Variants in IQGAP1 observed in about 807,000 individuals in gnomAD.
IQGAP1 encodes the protein ras GTPase-activating-like protein IQGAP1.
IQGAP1 carries 66 observed loss-of-function variants against 215.6 expected under a neutral mutation model. The ratio of observed to expected loss-of-function variants is 0.31; its 90% CI spans 0.25 to 0.38. IQGAP1 has a LOEUF of 0.38. IQGAP1 is among the 10% of genes least tolerant of loss of function. The pLI, the probability that IQGAP1 is intolerant of heterozygous loss-of-function variation, is 1.00. For synonymous variants in IQGAP1, 772 were observed against 728.7 expected (o/e 1.06, Z -0.96); for missense variants, 1,712 against 1,997.1 (o/e 0.86, Z 2.72).
chr15:90,438,328 G>A (rs1205890414), intron 5 of IQGAP1, among the ~76,000 whole-genome samples: 1 of 152,086 alleles, frequency 6.6e-6, no homozygotes, highest in Non-Finnish European at 1.5e-5. Flanking sequence ...ACAGGCTTAT[G>A]GACATTAATT....
chr15:90,415,559 G>A (rs1378669199), intron 2 of IQGAP1, among the ~76,000 whole-genome samples: 1 of 151,950 alleles, frequency 6.6e-6, no homozygotes, highest in Non-Finnish European at 1.5e-5. Flanking sequence ...GGTGTTTAAT[G>A]TTAGTTGTGA....
At chr15:90,475,344 G>A (rs973705905) in intron 23 of IQGAP1, among the ~76,000 whole-genome samples, 1 of 151,960 alleles carries the variant, frequency 6.6e-6, no homozygotes, top group Non-Finnish European at 1.5e-5. Context: ...TGTTGGCCAG[G>A]CTGGTCTGGA....
At chr15:90,487,671 A>C in intron 33 of IQGAP1, 89 bp downstream of exon 33, 1 of 853,596 alleles carries the variant, frequency 1.2e-6, no homozygotes, top group African/African-American at 1.7e-5. Context: ...AGACACAAAT[A>C]ACAGTTGGTA....
intron 8 of IQGAP1, among the ~76,000 whole-genome samples, chr15:90,443,046 A>T (rs1356596394): frequency 1.3e-5 from 2 of 152,074 alleles, no homozygotes; most frequent in Non-Finnish European, 2.9e-5. Flanking sequence ...TGCAGCCTTG[A>T]ACTTCTGGGG....
chr15:90,471,064 C>T (rs1233934124), intron 18 of IQGAP1, among the ~76,000 whole-genome samples: 6 of 152,122 alleles, frequency 3.9e-5, no homozygotes, highest in Admixed American at 6.6e-5. Context: ...GACGTTAGCC[C>T]TTTTCCCCAC....
At chr15:90,432,977 T>A (rs1328196726) in intron 4 of IQGAP1, among the ~76,000 whole-genome samples, 1 of 152,196 alleles carries the variant, frequency 6.6e-6, no homozygotes, top group Non-Finnish European at 1.5e-5. Flanking sequence ...ATGTAGAGCT[T>A]CCATGACCCT....
chr15:90,454,548 T>C lies in IQGAP1; in HGVS notation c.1608T>C (p.His536=). ...TGAACCTGGTGGTGCAAGAGGAACA[T>C]GAGAGTGAGTTATCTTCCTGTCCTC... ...DHVNLVVQEE[H]ERILAIGLIN... is the part of the protein sequence containing the mutation. Residue 536 remains histidine, a synonymous_variant, in exon 14 of 38, where the codon CAT becomes CAC. Coordinates refer to ENST00000268182, the MANE Select transcript of IQGAP1 (RefSeq NM_003870.4). The C allele has an allele frequency of 3.2e-6, 5 of 1,565,636 alleles. No individual in the cohort carries two copies. The highest frequency in any genetic ancestry group is 3.5e-6 in the Non-Finnish European group (4 of 1,158,070).
At chr15:90,487,134 G>C (rs944141612) in intron 32 of IQGAP1, 45 bp downstream of exon 32, 1 of 1,607,734 alleles carries the variant, frequency 6.2e-7, no homozygotes, top group Admixed American at 1.7e-5. Context: ...TAATCTGAAG[G>C]TTTCTTGGCC....
rs764481935 is a variant in IQGAP1 at position 90,472,991 on chromosome 15, C to T, written c.2330C>T (p.Pro777Leu). ...SRMNFLKKQI[P>L]AITCIQSQWR... ...ATGAATTTCCTGAAGAAACAAATCC[C>T]TGCCATCACCTGCATTCAGGTATTT... The change falls in exon 19 of 38, where the codon CCT (proline) becomes CTT (leucine). Residue 777 changes from proline to leucine, a missense_variant. This residue lies in a region of IQGAP1 where 1,021 missense variants were observed against 1,074.2 expected (regional missense o/e 0.95). Transcript: ENST00000268182. 8.1e-6 allele frequency: 13 copies of T among 1,613,906 alleles called. No homozygotes were observed. The highest frequency in any genetic ancestry group is 2.2e-5 in the South Asian group (2 of 91,050).
At chr15:90,492,272 GT>G (rs1428129221) in intron 34 of IQGAP1, among the ~76,000 whole-genome samples, 1 of 151,884 alleles carries the variant, frequency 6.6e-6, no homozygotes, top group South Asian at 2.1e-4. Flanking sequence ...ACAAAAAAAA[GT>G]TTTTTAATTA....
chr15:90,460,940 G>A (rs919168640), intron 15 of IQGAP1, among the ~76,000 whole-genome samples: 9 of 150,080 alleles, frequency 6.0e-5, no homozygotes, highest in Admixed American at 1.3e-4. Context: ...CTGAGGTTGC[G>A]GTGAGCCAAG....
At chr15:90,431,249 A>G (rs952382486) in intron 4 of IQGAP1, 2 of 151,768 alleles carry the variant, frequency 1.3e-5, no homozygotes, top group Non-Finnish European at 2.9e-5. Flanking sequence ...CTTCCTTGCC[A>G]CTGGTATGTT....
Position 90,476,779 on chromosome 15 carries a change from G to A in IQGAP1, c.2901G>A (p.Glu967=). 1 of 1,604,998 alleles carries A rather than the reference G, an allele frequency of 6.2e-7. No individual in the cohort carries two copies. Among genetic ancestry groups the A allele is most frequent in the Non-Finnish European group, 8.5e-7 (1 of 1,178,094 alleles). The change falls in exon 24 of 38, where the codon GAG becomes GAA. Residue 967 remains glutamate, a synonymous_variant. Coordinates refer to ENST00000268182, the MANE Select transcript of IQGAP1 (RefSeq NM_003870.4). ...GLKALSKEKR[E]KLEAYQHLFY... ...AGGCTTTGAGCAAGGAGAAGAGAGA[G>A]AAGTTGGAAGCTTACCAGCACCTGT... is the stretch of plus-strand genomic sequence containing the variant.
chr15:90,445,510 A>T (rs1965514579), intron 9 of IQGAP1, among the ~76,000 whole-genome samples: 2 of 152,096 alleles, frequency 1.3e-5, no homozygotes, highest in South Asian at 4.1e-4. Context: ...TTAATTATAT[A>T]TTGTCTTGTA....
chr15:90,440,705 A>T, intron 7 of IQGAP1, 90 bp downstream of exon 7: 1 of 800,510 alleles, frequency 1.2e-6, no homozygotes, highest in East Asian at 2.7e-5. Context: ...GGACATTATG[A>T]ATCTTGCCAG....
chr15:90,390,370 C>T (rs1024669873), intron 1 of IQGAP1, among the ~76,000 whole-genome samples: 3 of 152,098 alleles, frequency 2.0e-5, no homozygotes, highest in East Asian at 1.9e-4. Flanking sequence ...TGAGAGAATG[C>T]GTGTAAAATG....
At chr15:90,444,861 G>A (rs1965504613) in intron 9 of IQGAP1, among the ~76,000 whole-genome samples, 1 of 152,088 alleles carries the variant, frequency 6.6e-6, no homozygotes, top group Non-Finnish European at 1.5e-5. Flanking sequence ...AAGGAATCTG[G>A]GCCAGGCAAT....
chr15:90,481,950 G>T lies in IQGAP1; in HGVS notation c.3330-10G>T. ...TCTAACATAGTTGGGTATAATTTCT[G>T]TCTTCCCAGCAAACTGCCCTATGAT... On this transcript the variant is annotated splice_polypyrimidine_tract_variant and intron_variant, in intron 26 of 37. Transcript: ENST00000268182. The T allele has an allele frequency of 6.2e-7, 1 of 1,613,958 alleles. No individual in the cohort carries two copies. The highest frequency in any genetic ancestry group is 8.5e-7 in the Non-Finnish European group (1 of 1,179,886).
At chr15:90,402,796 A>G (rs1323182155) in intron 2 of IQGAP1, among the ~76,000 whole-genome samples, 1 of 152,200 alleles carries the variant, frequency 6.6e-6, no homozygotes, top group Non-Finnish European at 1.5e-5. Context: ...GAGAAAAAAA[A>G]CTTACAATCA....
Sources: gnomAD v4.1 joint callset for allele counts (sites outside exome capture counted in the v4.1 genomes callset) on GRCh38, gnomAD v4.1.1 for gene constraint, gnomAD v4.1.1 regional missense constraint, MANE v1.5 for transcripts, NCBI Gene and HGNC (gene_info 2026-07-23, HGNC 2026-07-21) for gene names.